The following PIK3CB variants were observed in gnomAD, a reference collection of about 807,000 sequenced individuals.
PIK3CB encodes phosphatidylinositol 4,5-bisphosphate 3-kinase catalytic subunit beta isoform.
Under a neutral mutation model 136.8 loss-of-function variants are expected in PIK3CB, and 39 were observed. The ratio of observed to expected loss-of-function variants is 0.29; its 90% CI spans 0.22 to 0.37. PIK3CB has a LOEUF of 0.37. Ranked by LOEUF, PIK3CB falls within the 10% of genes least tolerant of loss-of-function variation. The pLI is 1.00. For synonymous variants in PIK3CB, 428 were observed against 436.6 expected, an observed-to-expected ratio of 0.98 and a Z score of 0.25; for missense variants, 868 against 1,275.4, an observed-to-expected ratio of 0.68 and a Z score of 4.87.
intron 8 of PIK3CB, among the ~76,000 whole-genome samples, chr3:138,721,167 G>GT (rs34357500): frequency 3.6e-3 from 531 of 145,794 alleles, no homozygotes; most frequent in Admixed American, 4.3e-3. Flanking sequence ...ATATCCTTAA[G>GT]TTTTTTTTTT....
intron 2 of PIK3CB, among the ~76,000 whole-genome samples, chr3:138,761,797 G>A (rs998519967): frequency 3.3e-5 from 5 of 151,550 alleles, no homozygotes; most frequent in Admixed American, 6.6e-5. Context: ...AAAATTAGTC[G>A]GGGGTGGTGG....
At chr3:138,664,083 A>G in intron 20 of PIK3CB, 54 bp from the exon 21 acceptor site, 2 of 1,593,012 alleles carry the variant, frequency 1.3e-6, no homozygotes, top group South Asian at 1.1e-5. Flanking sequence ...CCAAGCGTGT[A>G]GAGTGAGACC....
intron 16 of PIK3CB, among the ~76,000 whole-genome samples, chr3:138,688,491 ACT>A (rs1324920106): frequency 3.6e-5 from 4 of 112,152 alleles, no homozygotes; most frequent in Non-Finnish European, 5.1e-5. Flanking sequence ...ACAGAGCGAG[ACT>A]CTGTCACAAA....
intron 8 of PIK3CB, 62 bp from the exon 9 acceptor site, chr3:138,714,781 CTTTT>C: frequency 7.2e-7 from 1 of 1,386,704 alleles, no homozygotes; most frequent in Non-Finnish European, 9.7e-7. Context: ...AAAAACATCT[CTTTT>C]TGTTTGTTTG....
At chr3:138,708,640 G>T (rs971199185) in intron 10 of PIK3CB, among the ~76,000 whole-genome samples, 1 of 148,096 alleles carries the variant, frequency 6.8e-6, no homozygotes, top group African/African-American at 2.5e-5. Flanking sequence ...ACGGGGTCTT[G>T]CCACATTGCC....
intron 21 of PIK3CB, among the ~76,000 whole-genome samples, chr3:138,660,703 T>C (rs557173136): frequency 1.2e-4 from 18 of 152,312 alleles, no homozygotes; most frequent in East Asian, 7.7e-4. Context: ...GTTTTAAATG[T>C]TATCATCACA....
chr3:138,766,033 G>C (rs1453805601), intron 2 of PIK3CB, among the ~76,000 whole-genome samples: 1 of 152,160 alleles, frequency 6.6e-6, no homozygotes, highest in Non-Finnish European at 1.5e-5. Context: ...GCATAGATCA[G>C]GCTTTGCCTA....
At chr3:138,789,066 T>A (rs1472445163) in intron 2 of PIK3CB, among the ~76,000 whole-genome samples, 2 of 151,582 alleles carry the variant, frequency 1.3e-5, no homozygotes, top group African/African-American at 4.9e-5. Flanking sequence ...CTGGAAATCT[T>A]GTGTATTGCT....
chr3:138,815,958 C>A (rs1933308629), intron 1 of PIK3CB, among the ~76,000 whole-genome samples: 1 of 152,220 alleles, frequency 6.6e-6, no homozygotes, highest in Non-Finnish European at 1.5e-5. Context: ...TTCACTCACA[C>A]ACACACACTC....
chr3:138,718,240 A>G (rs891138111), intron 8 of PIK3CB, among the ~76,000 whole-genome samples: 26 of 152,168 alleles, frequency 1.7e-4, no homozygotes, highest in African/African-American at 6.3e-4. Context: ...GTGAGATGGT[A>G]TCTCATTGTG....
chr3:138,747,085 T>TGGC (rs2045374113), intron 4 of PIK3CB, among the ~76,000 whole-genome samples: 1 of 81,126 alleles, frequency 1.2e-5, no homozygotes, highest in African/African-American at 5.1e-5. Flanking sequence ...TATATATATA[T>TGGC]ATATATATAT....
At chr3:138,699,610 G>A (rs1173312111) in intron 12 of PIK3CB, among the ~76,000 whole-genome samples, 1 of 152,042 alleles carries the variant, frequency 6.6e-6, no homozygotes, top group Non-Finnish European at 1.5e-5. Context: ...AAAGTTAACA[G>A]AAATCCAGAT....
chr3:138,761,826 G>C (rs1278566030), intron 2 of PIK3CB, among the ~76,000 whole-genome samples: 1 of 152,032 alleles, frequency 6.6e-6, no homozygotes, highest in East Asian at 1.9e-4. Flanking sequence ...TGTAGTCCCA[G>C]CTACTCGGGA....
intron 1 of PIK3CB, among the ~76,000 whole-genome samples, chr3:138,799,501 A>G (rs1422665850): frequency 6.6e-6 from 1 of 152,124 alleles, no homozygotes; most frequent in African/African-American, 2.4e-5. Flanking sequence ...TACCTTGTAC[A>G]GCATAAATCA....
chr3:138,754,759 A>C (rs2045534033), intron 4 of PIK3CB, among the ~76,000 whole-genome samples: 1 of 152,192 alleles, frequency 6.6e-6, no homozygotes, highest in Non-Finnish European at 1.5e-5. Context: ...TTATAGGGTT[A>C]AGATCAAAGA....
chr3:138,694,829 G>A lies in PIK3CB; in HGVS notation c.1849C>T (p.Gln617Ter). The A allele has an allele frequency of 1.2e-6, 2 of 1,613,344 alleles. No homozygotes were observed. The highest frequency in any genetic ancestry group is 1.7e-6 in the Non-Finnish European group (2 of 1,179,670). ...CCTACAGCATATTCTCGAACGTACT[G>A]GTCTGGATAGTTGAAATCCAGAAGC... ...LELLDFNYPD[Q>*]YVREYAVGCL... Residue 617 changes from glutamine (Q) to a stop codon, truncating the protein, a stop_gained, in exon 14 of 24, where the codon CAG becomes TAG. Transcript: ENST00000674063. LOFTEE classifies it high-confidence loss of function.
chr3:138,825,322 G>T (rs758044935), intron 1 of PIK3CB: 2 of 500,884 alleles, frequency 4.0e-6, no homozygotes, highest in Non-Finnish European at 7.2e-6. Context: ...TTTAAAGCTG[G>T]TATCTCCAAA....
At chr3:138,708,504 A>G (rs2044427113) in intron 10 of PIK3CB, among the ~76,000 whole-genome samples, 1 of 151,002 alleles carries the variant, frequency 6.6e-6, no homozygotes. Context: ...CAAGAGATCC[A>G]CCCAACTCAG....
At chr3:138,781,929 T>A (rs1372078276) in intron 2 of PIK3CB, among the ~76,000 whole-genome samples, 1 of 152,108 alleles carries the variant, frequency 6.6e-6, no homozygotes, top group East Asian at 1.9e-4. Flanking sequence ...CTCAAAAAAA[T>A]TAAAGTTTTA....
Sources: allele counts gnomAD v4.1 joint callset (sites outside exome capture counted in the v4.1 genomes callset), GRCh38; gene constraint gnomAD v4.1.1; transcripts MANE v1.5; gene names NCBI Gene and HGNC (gene_info 2026-07-23, HGNC 2026-07-21).